The following CLUL1 variants were observed in gnomAD, a reference collection of about 807,000 sequenced individuals.
CLUL1 encodes clusterin-like protein 1.
A neutral mutation model predicts 49.4 loss-of-function variants in CLUL1; 43 were observed. The ratio of observed to expected loss-of-function variants is 0.87; its 90% CI spans 0.68 to 1.12. The LOEUF is 1.12. CLUL1 is among the 50% of genes most tolerant of loss of function. The probability of loss-of-function intolerance (pLI) is 0.00; values close to 1 mark genes in which losing one functional copy is unlikely to be tolerated. For missense variants in CLUL1, 486 were observed against 544.4 expected, an observed-to-expected ratio of 0.89 and a Z score of 1.07; for synonymous variants, 192 against 184.9, an observed-to-expected ratio of 1.04 and a Z score of -0.31.
At chr18:633,209 A>G in intron 6 of CLUL1, 89 bp from the exon 7 acceptor site, 2 of 1,059,256 alleles carry the variant, frequency 1.9e-6, no homozygotes, top group East Asian at 2.4e-5. Context: ...TTTTGAAAGC[A>G]CTGGTAAGAA....
chr18:626,270 G>A (rs562177618), intron 5 of CLUL1, among the ~76,000 whole-genome samples: 3 of 152,092 alleles, frequency 2.0e-5, no homozygotes, highest in South Asian at 2.1e-4. Context: ...CCACCACCAC[G>A]CCTAGCTAAT....
Position 649,909 on chromosome 18 carries a change from T to A in CLUL1, c.*8T>A, listed in dbSNP as rs2074631134. 1.5e-6 allele frequency: 2 copies of A among 1,358,406 alleles called. No individual in the cohort carries two copies. Among genetic ancestry groups the A allele is most frequent in the Non-Finnish European group, 1.0e-6 (1 of 962,798 alleles). 84.1% of individuals were successfully genotyped at this position (1,358,406 alleles called of 1,614,324 possible). A position where few individuals can be genotyped will look rare whatever the true frequency, so the allele number is the denominator to read the frequency against. ...TTTTTTTTTTTAAGGTAAGAAGATCTAATGCATCCTATATCCAGTAAGTAG... is the reference window on the plus strand; with the variant it reads ...TTTTTTTTTTTAAGGTAAGAAGATCAAATGCATCCTATATCCAGTAAGTAG... On this transcript the variant is annotated 3_prime_UTR_variant, in exon 10 of 10. Transcript: ENST00000692774.
chr18:617,687 A>G (rs934721585), intron 2 of CLUL1, among the ~76,000 whole-genome samples: 1 of 152,032 alleles, frequency 6.6e-6, no homozygotes, highest in Non-Finnish European at 1.5e-5. Context: ...TTACAAAATG[A>G]AGCTTGGACT....
rs115564587 is a variant in CLUL1 at position 646,710 on chromosome 18, C to T, written c.1397+1613C>T. On this transcript the variant is annotated intron_variant, in intron 9 of 9. Transcript: ENST00000692774. ...TCCTCTCTTTTCCTCTTTCTTCTCC[C>T]TCCTCCCACTCTGTCCTCTCCCTTT... Among the ~76,000 whole-genome samples, 1,002 of 151,718 alleles carry T rather than the reference C, an allele frequency of 6.6e-3. 7 individuals are homozygous for T. Among genetic ancestry groups the T allele is most frequent in the African/African-American group, 0.023 (938 of 41,400 alleles).
intron 2 of CLUL1, among the ~76,000 whole-genome samples, chr18:607,987 A>G (rs1431125447): frequency 6.6e-6 from 1 of 152,186 alleles, no homozygotes; most frequent in Non-Finnish European, 1.5e-5. Flanking sequence ...TTTTGTACGT[A>G]TCTGAGCAGT....
At chr18:649,701 G>A (rs539662905) in intron 9 of CLUL1, 197 bp from the exon 10 acceptor site, 9 of 496,716 alleles carry the variant, frequency 1.8e-5, no homozygotes, top group Non-Finnish European at 3.2e-5. Context: ...AAGCTGTGAC[G>A]ATTTCTTCAA....
intron 2 of CLUL1, chr18:616,872 CAGTTG>C (rs2073307000): frequency 6.2e-6 from 1 of 162,174 alleles, no homozygotes; most frequent in Non-Finnish European, 1.3e-5. Context: ...ATTACTAGTA[CAGTTG>C]CTAGTTTACG....
At position 612,482 on chromosome 18, in the gene CLUL1, G is replaced by A. The variant is rs28475290; in HGVS notation, c.-14+5383G>A. 1.4e-3 allele frequency among the ~76,000 whole-genome samples: 208 copies of A among 152,266 alleles called. 1 individual carries two copies. The highest frequency in any genetic ancestry group is 4.6e-3 in the African/African-American group (192 of 41,548). ...CCTCGCTCAGAAGGGATCTGTACTC[G>A]GTTTGGATCTATTGTTGCCATCTTG... On this transcript the variant is annotated intron_variant, in intron 2 of 9. Transcript: ENST00000692774.
At chr18:636,446 T>C (rs2074137765) in intron 7 of CLUL1, among the ~76,000 whole-genome samples, 1 of 152,140 alleles carries the variant, frequency 6.6e-6, no homozygotes, top group African/African-American at 2.4e-5. Context: ...TTGTGCAAAT[T>C]AATGCATTGC....
At chr18:640,366 T>C (rs936276135) in intron 7 of CLUL1, among the ~76,000 whole-genome samples, 4 of 151,728 alleles carry the variant, frequency 2.6e-5, no homozygotes, top group South Asian at 2.1e-4. Context: ...GCTATGATCA[T>C]GCCATTGCAC....
chr18:635,832 G>A (rs1025374294), intron 7 of CLUL1, among the ~76,000 whole-genome samples: 8 of 152,166 alleles, frequency 5.3e-5, no homozygotes, highest in Non-Finnish European at 1.0e-4. Context: ...TACCTCCTGA[G>A]TTCAAGCGAT....
Position 619,318 on chromosome 18 carries a change from C to T in CLUL1, c.212C>T (p.Thr71Ile). The T allele has an allele frequency of 6.2e-7, 1 of 1,613,810 alleles. No homozygotes were observed. The highest frequency in any genetic ancestry group is 8.5e-7 in the Non-Finnish European group (1 of 1,179,854). Residue 71 changes from threonine to isoleucine, a missense_variant, in exon 4 of 10, where the codon ACC (threonine) becomes ATC (isoleucine). By Grantham distance (89) the Thr-to-Ile change is moderately conservative. Coordinates refer to ENST00000692774, the MANE Select transcript of CLUL1 (RefSeq NM_001393344.1). The part of the protein sequence containing the change: ...IMMERKEKEH[T>I]NLMSTLKKCR... ...ATGGAAAGAAAAGAGAAGGAACACA[C>T]CAATCTAATGAGCACCCTGAAGAAA...
intron 1 of CLUL1, among the ~76,000 whole-genome samples, 174 bp downstream of exon 1, chr18:597,303 G>C (rs1425465686): frequency 6.6e-6 from 1 of 151,634 alleles, no homozygotes; most frequent in East Asian, 2.0e-4. Flanking sequence ...AATACTGTGG[G>C]CTGCTTCAGA....
intron 1 of CLUL1, among the ~76,000 whole-genome samples, chr18:603,460 TA>T (rs200835192): frequency 6.6e-6 from 1 of 151,216 alleles, no homozygotes; most frequent in Non-Finnish European, 1.5e-5. Flanking sequence ...CCTAAATACT[TA>T]AAAAAATTTT....
At chr18:649,834 A>T in intron 9 of CLUL1, 64 bp from the exon 10 acceptor site, 1 of 1,088,164 alleles carries the variant, frequency 9.2e-7, no homozygotes, top group Non-Finnish European at 1.4e-6. Flanking sequence ...AAGAAAAAAT[A>T]CACTGAGTCT....
At chr18:615,959 T>C (rs1341628852) in intron 2 of CLUL1, among the ~76,000 whole-genome samples, 3 of 152,276 alleles carry the variant, frequency 2.0e-5, no homozygotes, top group African/African-American at 7.2e-5. Flanking sequence ...GGTGGCCCAG[T>C]TCAGAATTGT....
At chr18:648,155 G>C (rs369575887) in intron 9 of CLUL1, among the ~76,000 whole-genome samples, 1 of 152,208 alleles carries the variant, frequency 6.6e-6, no homozygotes, top group South Asian at 2.1e-4. Flanking sequence ...GGTGAGACAC[G>C]ATAGGTTTTA....
chr18:623,735 A>G (rs2073583345), intron 4 of CLUL1, among the ~76,000 whole-genome samples: 1 of 151,010 alleles, frequency 6.6e-6, no homozygotes, highest in South Asian at 2.1e-4. Context: ...CTGGGTCAAA[A>G]TGTATATTGG....
At chr18:629,676 C>T (rs2073930038) in intron 6 of CLUL1, among the ~76,000 whole-genome samples, 1 of 152,192 alleles carries the variant, frequency 6.6e-6, no homozygotes, top group South Asian at 2.1e-4. Context: ...CCAAGGTCCC[C>T]TGTGAATGCA....
Sources: allele counts gnomAD v4.1 joint callset (sites outside exome capture counted in the v4.1 genomes callset), GRCh38; gene constraint gnomAD v4.1.1; transcripts MANE v1.5; gene names NCBI Gene and HGNC (gene_info 2026-07-23, HGNC 2026-07-21).